STK32A: variants seen among roughly 807,000 people sequenced by gnomAD.
The protein encoded by STK32A is serine/threonine kinase 32A, also known as serine/threonine-protein kinase 32A.
A neutral mutation model predicts 53.2 loss-of-function variants in STK32A; 41 were observed. That is an observed-to-expected ratio of 0.77 (90% CI 0.60 to 1.00). STK32A has a LOEUF of 1.00. Ranked by LOEUF, STK32A falls within the 50% of genes least tolerant of loss-of-function variation. The pLI is 0.00. For missense variants in STK32A, 458 were observed against 485.8 expected, an observed-to-expected ratio of 0.94 and a Z score of 0.54; for synonymous variants, 166 against 162.8, an observed-to-expected ratio of 1.02 and a Z score of -0.15.
intron 4 of STK32A, among the ~76,000 whole-genome samples, chr5:147,293,013 C>T (rs1045063237): frequency 6.6e-6 from 1 of 152,092 alleles, no homozygotes; most frequent in Non-Finnish European, 1.5e-5. Context: ...ATATGATTTC[C>T]AAAACCTTCA....
chr5:147,364,215 CAAAAAAAAA>C (rs764357691), intron 8 of STK32A, among the ~76,000 whole-genome samples: 1 of 66,878 alleles, frequency 1.5e-5, no homozygotes, highest in Non-Finnish European at 3.1e-5. Context: ...AACTCCATCT[CAAAAAAAAA>C]AAAAAAAAAA....
intron 4 of STK32A, among the ~76,000 whole-genome samples, chr5:147,284,055 A>T (rs528050396): frequency 3.3e-5 from 5 of 152,284 alleles, no homozygotes; most frequent in African/African-American, 1.2e-4. Flanking sequence ...CCAACAGCAT[A>T]TCAAAAAGAT....
intron 4 of STK32A, among the ~76,000 whole-genome samples, chr5:147,314,794 G>A (rs2151973365): frequency 6.7e-6 from 1 of 148,284 alleles, no homozygotes; most frequent in Middle Eastern, 3.6e-3. Flanking sequence ...CTGGAGTGCA[G>A]TGTGTGTGAT....
intron 11 of STK32A, 42 bp from the exon 12 acceptor site, chr5:147,383,399 T>C: frequency 6.6e-7 from 1 of 1,517,020 alleles, no homozygotes; most frequent in Non-Finnish European, 9.0e-7. Context: ...CTCATTTGTC[T>C]GCTAACTATA....
intron 1 of STK32A, among the ~76,000 whole-genome samples, chr5:147,238,942 A>G (rs1197546509): frequency 3.3e-5 from 5 of 152,172 alleles, no homozygotes; most frequent in Non-Finnish European, 7.4e-5. Flanking sequence ...TGTGTGTATT[A>G]TACATTTAAC....
Position 147,375,012 on chromosome 5 carries a change from T to C in STK32A, c.904-78T>C, listed in dbSNP as rs373489338. On this transcript the variant is annotated intron_variant, in intron 10 of 12. Transcript: ENST00000397936. Reference sequence around the variant, plus strand: ...GGACTGCTCCGTTAAGACTAAGTATTATTTTCCGTATTAGGTCTGCTGTGT... The same window carrying C: ...GGACTGCTCCGTTAAGACTAAGTATCATTTTCCGTATTAGGTCTGCTGTGT... 412 of 1,360,420 alleles carry C rather than the reference T, an allele frequency of 3.0e-4. 1 individual carries two copies. The African/African-American group carries it at 5.5e-3, about 18-fold the overall frequency. 84.3% of individuals were successfully genotyped at this position (1,360,420 alleles called of 1,614,324 possible). A position where few individuals can be genotyped will look rare whatever the true frequency, so the allele number is the denominator to read the frequency against.
chr5:147,318,595 C>T (rs962449583), intron 4 of STK32A, among the ~76,000 whole-genome samples: 1 of 150,200 alleles, frequency 6.7e-6, no homozygotes, highest in Non-Finnish European at 1.5e-5. Flanking sequence ...TGAGCCCTCA[C>T]CTCTACTAAA....
intron 11 of STK32A, among the ~76,000 whole-genome samples, chr5:147,379,605 T>G (rs2152007260): frequency 6.6e-6 from 1 of 152,234 alleles, no homozygotes; most frequent in Non-Finnish European, 1.5e-5. Context: ...CTATTGTTTC[T>G]TTCCCCCCAG....
chr5:147,269,184 A>T (rs962498138), intron 2 of STK32A, among the ~76,000 whole-genome samples: 1 of 152,212 alleles, frequency 6.6e-6, no homozygotes, highest in Admixed American at 6.5e-5. Flanking sequence ...TATGTAACAT[A>T]TTTAGAATAA....
intron 4 of STK32A, among the ~76,000 whole-genome samples, chr5:147,285,723 T>C (rs1581039974): frequency 6.6e-6 from 1 of 151,962 alleles, no homozygotes; most frequent in East Asian, 1.9e-4. Flanking sequence ...GAAATGCAAA[T>C]CAAAACCATA....
rs575824913 is a variant in STK32A at position 147,367,081 on chromosome 5, T to C, written c.661-3573T>C. Among the ~76,000 whole-genome samples, 6 of 152,192 alleles carry C rather than the reference T, an allele frequency of 3.9e-5. No individual in the cohort carries two copies. The South Asian group carries it at 8.3e-4, about 21-fold the overall frequency. ...TCACAGTATTTAACTGTTTTTTTTT[T>C]CCTCAGGAGAGTCTTGCTCTGTCCC... On this transcript the variant is annotated intron_variant, in intron 8 of 12. Transcript: ENST00000397936.
chr5:147,265,711 ATGTT>A (rs1014675394), intron 2 of STK32A, among the ~76,000 whole-genome samples: 1 of 151,854 alleles, frequency 6.6e-6, no homozygotes, highest in Non-Finnish European at 1.5e-5. Flanking sequence ...TACTCAATGA[ATGTT>A]TGTTGGTTTG....
At chr5:147,298,549 A>G (rs4705159) in intron 4 of STK32A, among the ~76,000 whole-genome samples, 125,073 of 152,208 alleles carry the variant, frequency 0.82, 52,164 homozygotes, top group African/African-American at 0.95. Context: ...GAATCGAGCT[A>G]GCATTTCTAA....
At chr5:147,241,608 C>T (rs1159150721) in intron 2 of STK32A, among the ~76,000 whole-genome samples, 2 of 152,174 alleles carry the variant, frequency 1.3e-5, no homozygotes, top group African/African-American at 2.4e-5. Context: ...TTCATAGGAA[C>T]TTTGAAATTA....
intron 8 of STK32A, among the ~76,000 whole-genome samples, chr5:147,369,311 A>T (rs1045917834): frequency 6.6e-6 from 1 of 152,130 alleles, no homozygotes; most frequent in East Asian, 1.9e-4. Flanking sequence ...TTGACTTGCC[A>T]TGTGTAAAAT....
At chr5:147,331,251 T>G (rs1188571346) in intron 5 of STK32A, among the ~76,000 whole-genome samples, 1 of 152,214 alleles carries the variant, frequency 6.6e-6, no homozygotes, top group African/African-American at 2.4e-5. Flanking sequence ...TTTTAATGAC[T>G]TAATAGGAGC....
chr5:147,384,359 C>A lies in STK32A; in HGVS notation c.*376C>A. The A allele has an allele frequency of 2.0e-6, 3 of 1,514,416 alleles. No individual in the cohort carries two copies. Among genetic ancestry groups the A allele is most frequent in the Non-Finnish European group, 2.6e-6 (3 of 1,135,288 alleles). 93.8% of individuals were successfully genotyped at this position (1,514,416 alleles called of 1,614,324 possible). A position where few individuals can be genotyped will look rare whatever the true frequency, so the allele number is the denominator to read the frequency against. On this transcript the variant is annotated 3_prime_UTR_variant, in exon 13 of 13. Transcript: ENST00000397936. Reference sequence around the variant, plus strand: ...ATGAATATAGATTTATTTTTCCACTCCTTCTAATTATGCAGTGACAAATGG... The same window carrying A: ...ATGAATATAGATTTATTTTTCCACTACTTCTAATTATGCAGTGACAAATGG...
intron 2 of STK32A, among the ~76,000 whole-genome samples, chr5:147,268,098 G>A (rs1000816033): frequency 6.6e-6 from 1 of 151,888 alleles, no homozygotes; most frequent in African/African-American, 2.4e-5. Flanking sequence ...ATTTTGATGG[G>A]TGGACACACT....
chr5:147,359,133 A>G (rs972396500), intron 7 of STK32A, among the ~76,000 whole-genome samples: 6 of 152,208 alleles, frequency 3.9e-5, no homozygotes, highest in African/African-American at 1.2e-4. Flanking sequence ...AAGGACACTT[A>G]GCCCTTCTCT....
Sources: allele counts gnomAD v4.1 joint callset (sites outside exome capture counted in the v4.1 genomes callset), GRCh38; gene constraint gnomAD v4.1.1; transcripts MANE v1.5; gene names NCBI Gene and HGNC (gene_info 2026-07-23, HGNC 2026-07-21).